Variants in TENM2 observed in about 807,000 individuals in gnomAD.
TENM2 encodes the protein teneurin-2.
Under a neutral mutation model 245.2 loss-of-function variants are expected in TENM2, and 52 were observed. The ratio of observed to expected loss-of-function variants is 0.21; its 90% CI spans 0.17 to 0.27. The LOEUF is 0.27. TENM2 is among the 10% of genes least tolerant of loss of function. The pLI, the probability that TENM2 is intolerant of heterozygous loss-of-function variation, is 1.00. For synonymous variants in TENM2, 1,363 were observed against 1,438.9 expected (o/e 0.95, Z 1.19); for missense variants, 3,046 against 3,666.8 (o/e 0.83, Z 4.37).
At chr5:167,106,613 T>C in the TENM2 span, among the ~76,000 whole-genome samples, 8 of 152,216 alleles carry the variant, frequency 5.3e-5, no homozygotes, top group African/African-American at 1.9e-4. Context: ...ACTCAACTTC[T>C]ATTTTTGAAT....
chr5:168,052,758 C>T (rs940139102), intron 6 of TENM2, among the ~76,000 whole-genome samples: 2 of 151,980 alleles, frequency 1.3e-5, no homozygotes, highest in Admixed American at 6.6e-5. Context: ...CTACCATTCT[C>T]GGTTTATAAC....
the TENM2 span, among the ~76,000 whole-genome samples, chr5:167,196,180 G>T: frequency 6.6e-6 from 1 of 152,058 alleles, no homozygotes; most frequent in South Asian, 2.1e-4. Context: ...ATAGGCAATT[G>T]TAATACAATG....
At chr5:167,175,104 T>A in the TENM2 span, among the ~76,000 whole-genome samples, 1 of 152,228 alleles carries the variant, frequency 6.6e-6, no homozygotes, top group Non-Finnish European at 1.5e-5. Context: ...CGTTTCTCTA[T>A]CTTGGCTATT....
At chr5:168,114,317 A>G in intron 9 of TENM2, among the ~76,000 whole-genome samples, 1 of 152,246 alleles carries the variant, frequency 6.6e-6, no homozygotes. Flanking sequence ...TCTTTCTGGC[A>G]TCAAAACCCT....
chr5:167,880,184 C>A (rs937829632), intron 3 of TENM2, among the ~76,000 whole-genome samples: 2 of 151,980 alleles, frequency 1.3e-5, no homozygotes, highest in African/African-American at 4.8e-5. Flanking sequence ...AGGTGCACAC[C>A]ACCATACTTG....
chr5:167,707,430 G>A (rs1758611212), intron 2 of TENM2, among the ~76,000 whole-genome samples: 1 of 151,988 alleles, frequency 6.6e-6, no homozygotes, highest in Non-Finnish European at 1.5e-5. Flanking sequence ...GATATAATTT[G>A]ACTTATCTAT....
chr5:168,023,787 G>A (rs1786370336), intron 5 of TENM2, among the ~76,000 whole-genome samples: 1 of 152,148 alleles, frequency 6.6e-6, no homozygotes, highest in African/African-American at 2.4e-5. Context: ...ATCCCGGAGG[G>A]TGCTCTCTTG....
At chr5:167,112,396 T>A in the TENM2 span, among the ~76,000 whole-genome samples, 4 of 152,212 alleles carry the variant, frequency 2.6e-5, no homozygotes, top group Non-Finnish European at 5.9e-5. Flanking sequence ...TGTAATAACA[T>A]CTTAGAGTAA....
At chr5:167,166,103 T>C in the TENM2 span, among the ~76,000 whole-genome samples, 3 of 152,220 alleles carry the variant, frequency 2.0e-5, no homozygotes, top group South Asian at 6.2e-4. Context: ...TTGTGAATGA[T>C]GGTTCAAATA....
chr5:168,119,410 G>T (rs1367911176), intron 10 of TENM2, among the ~76,000 whole-genome samples: 1 of 152,228 alleles, frequency 6.6e-6, no homozygotes, highest in Admixed American at 6.5e-5. Context: ...ACTACTCCTA[G>T]TTACCTTGAT....
At chr5:167,368,443 C>T (rs1308056859) in intron 1 of TENM2, among the ~76,000 whole-genome samples, 1 of 151,936 alleles carries the variant, frequency 6.6e-6, no homozygotes, top group African/African-American at 2.4e-5. Flanking sequence ...CCAAAAAATA[C>T]TTGATGAGTT....
chr5:167,153,259 G>T, the TENM2 span, among the ~76,000 whole-genome samples: 1 of 151,758 alleles, frequency 6.6e-6, no homozygotes, highest in South Asian at 2.1e-4. Flanking sequence ...ACCTTACCGA[G>T]AACGTAAGCA....
At chr5:167,317,084 A>T (rs1756407650) in intron 1 of TENM2, among the ~76,000 whole-genome samples, 1 of 151,876 alleles carries the variant, frequency 6.6e-6, no homozygotes, top group Admixed American at 6.6e-5. Context: ...AACCCTTGAC[A>T]CTCATCCCAT....
At chr5:167,804,275 C>T (rs543706508) in intron 2 of TENM2, among the ~76,000 whole-genome samples, 3 of 151,966 alleles carry the variant, frequency 2.0e-5, no homozygotes, top group Non-Finnish European at 4.4e-5. Context: ...ATTGCTATGG[C>T]ATGAAAAGAA....
chr5:167,851,897 T>G (rs1199223905), intron 2 of TENM2, among the ~76,000 whole-genome samples: 1 of 152,270 alleles, frequency 6.6e-6, no homozygotes, highest in East Asian at 1.9e-4. Context: ...TATCAATTGA[T>G]ACTGTCTTAA....
intron 2 of TENM2, among the ~76,000 whole-genome samples, chr5:167,759,690 C>T (rs1249449436): frequency 3.3e-5 from 5 of 152,102 alleles, no homozygotes; most frequent in Admixed American, 3.3e-4. Context: ...AATCAGCCCC[C>T]TTCCAGCAGG....
chr5:167,161,824 T>C, the TENM2 span, among the ~76,000 whole-genome samples: 98 of 152,268 alleles, frequency 6.4e-4, no homozygotes, highest in Non-Finnish European at 9.7e-4. Flanking sequence ...GAATTTTAAA[T>C]AGGGAGTCGT....
chr5:168,220,075 G>A lies in TENM2; in HGVS notation c.5108+1076G>A, dbSNP rs1763541364. Among the ~76,000 whole-genome samples, 4 of 152,216 alleles carry A rather than the reference G, an allele frequency of 2.6e-5. No homozygotes were observed. In the South Asian group the frequency reaches 8.3e-4, roughly 32 times the overall value. On this transcript the variant is annotated intron_variant, in intron 23 of 28. Transcript: ENST00000518659. ...CTTAACGATGCTTGAGATTTCTGAAGCATCTTAATACCCTTCAGGACACTG... is the reference window on the plus strand; with the variant it reads ...CTTAACGATGCTTGAGATTTCTGAAACATCTTAATACCCTTCAGGACACTG...
chr5:167,946,137 A>G (rs1177530339), intron 3 of TENM2, among the ~76,000 whole-genome samples: 1 of 152,218 alleles, frequency 6.6e-6, no homozygotes, highest in Non-Finnish European at 1.5e-5. Flanking sequence ...AGGAGGAAGC[A>G]AGGTCATTGT....
Sources: allele counts gnomAD v4.1 joint callset (sites outside exome capture counted in the v4.1 genomes callset), GRCh38; gene constraint gnomAD v4.1.1; transcripts MANE v1.5; gene names NCBI Gene and HGNC (gene_info 2026-07-23, HGNC 2026-07-21).